The following IPPK variants were observed in gnomAD, a reference collection of about 807,000 sequenced individuals.
The protein encoded by IPPK is IPK1 homolog.
IPPK carries 22 observed loss-of-function variants against 64.6 expected under a neutral mutation model. That is an observed-to-expected ratio of 0.34 (90% confidence interval 0.24 to 0.49). The LOEUF is 0.49. Among genes scored for constraint, IPPK ranks in the 20% least tolerant of loss-of-function variants. IPPK has a pLI of 0.99. For missense variants in IPPK, 532 were observed against 630.7 expected (o/e 0.84, Z 1.68); for synonymous variants, 262 against 247.2 (o/e 1.06, Z -0.56).
chr9:92,634,458 A>C lies in IPPK; in HGVS notation c.1098T>G (p.Asp366Glu), dbSNP rs1233385336. 6.2e-7 allele frequency: 1 copy of C among 1,613,914 alleles called. No homozygotes were observed. Among genetic ancestry groups the C allele is most frequent in the Non-Finnish European group, 8.5e-7 (1 of 1,179,854 alleles). The change falls in exon 11 of 13, where the codon GAT becomes GAG. Residue 366 changes from aspartate (D) to glutamate (E), a missense_variant. Asp to Glu is a conservative substitution (Grantham distance 45, BLOSUM62 2). Coordinates refer to ENST00000287996, the MANE Select transcript of IPPK (RefSeq NM_022755.6). ...RKTLQIDGPY[D>E]EAFYQKLLDL... ...CAAGCAGCTTCTGGTAAAATGCTTC[A>C]TCATAAGGCCCATCTATTTGTAAGG...
Position 92,635,045 on chromosome 9 carries a change from G to T in IPPK, c.1067+113C>A. On this transcript the variant is annotated intron_variant, in intron 10 of 12. Coordinates refer to ENST00000287996, the MANE Select transcript of IPPK (RefSeq NM_022755.6). This position sits in a 1 kb window ranked among gnomAD's most constrained non-coding sequence, Gnocchi z 4.4. ...GAGCGGAGGACTGGGGTAGGAAGTGGCCGGCATGCTTCATCCTCCTGGGAA... is the reference window on the plus strand; with the variant it reads ...GAGCGGAGGACTGGGGTAGGAAGTGTCCGGCATGCTTCATCCTCCTGGGAA... The T allele has an allele frequency of 9.5e-7, 1 of 1,052,714 alleles. No homozygotes were observed. Among genetic ancestry groups the T allele is most frequent in the Non-Finnish European group, 1.4e-6 (1 of 729,904 alleles). 65.2% of individuals were successfully genotyped at this position (1,052,714 alleles called of 1,614,324 possible). A position where few individuals can be genotyped will look rare whatever the true frequency, so the allele number is the denominator to read the frequency against.
chr9:92,615,485 G>A lies in IPPK; in HGVS notation c.*347C>T, dbSNP rs1325652564. The A allele has an allele frequency of 5.3e-5, 12 of 226,974 alleles. No homozygotes were observed. The highest frequency in any genetic ancestry group is 8.7e-5 in the Non-Finnish European group (10 of 115,092). 14.1% of individuals were successfully genotyped at this position (226,974 alleles called of 1,614,324 possible). On this transcript the variant is annotated 3_prime_UTR_variant, in exon 13 of 13. Transcript: ENST00000287996. ...CTATGTTAGGAGTCTGGTGGTAGCAGATCCAAACCTTGGGTCTTAGAATAA... is the reference window on the plus strand; with the variant it reads ...CTATGTTAGGAGTCTGGTGGTAGCAAATCCAAACCTTGGGTCTTAGAATAA...
intron 11 of IPPK, among the ~76,000 whole-genome samples, chr9:92,623,888 C>T (rs1222558363): frequency 6.6e-6 from 1 of 152,228 alleles, no homozygotes; most frequent in Non-Finnish European, 1.5e-5. Context: ...TGCACATGTA[C>T]ACAAAATCTG....
intron 9 of IPPK, among the ~76,000 whole-genome samples, chr9:92,636,239 C>T (rs190430018): frequency 6.6e-6 from 1 of 152,176 alleles, no homozygotes; most frequent in East Asian, 1.9e-4. Flanking sequence ...GGACCCGGCA[C>T]GAAAATGCCA....
intron 6 of IPPK, among the ~76,000 whole-genome samples, chr9:92,643,736 T>C (rs1175755583): frequency 6.6e-6 from 1 of 152,266 alleles, no homozygotes; most frequent in African/African-American, 2.4e-5. Flanking sequence ...TGATCCCATT[T>C]TTGCTTTGCA....
intron 7 of IPPK, 125 bp downstream of exon 7, chr9:92,642,627 G>A (rs1852073614): frequency 1.5e-5 from 12 of 775,972 alleles, no homozygotes; most frequent in Non-Finnish European, 2.7e-5. Flanking sequence ...AGAGAGCCCT[G>A]AAGACAGAAC....
intron 11 of IPPK, among the ~76,000 whole-genome samples, chr9:92,628,310 G>T (rs1376137192): frequency 1.3e-5 from 2 of 152,194 alleles, no homozygotes; most frequent in African/African-American, 4.8e-5. Flanking sequence ...CTTCTTTGTA[G>T]ACGAAGCTGA....
At chr9:92,669,704 TAG>T (rs1307609831) in intron 1 of IPPK, among the ~76,000 whole-genome samples, 1 of 141,522 alleles carries the variant, frequency 7.1e-6, no homozygotes, top group African/African-American at 2.7e-5. Flanking sequence ...ACTGACCCAG[TAG>T]AGAGGGGATA....
At chr9:92,650,572 C>T (rs750914795) in intron 4 of IPPK, among the ~76,000 whole-genome samples, 1 of 152,102 alleles carries the variant, frequency 6.6e-6, no homozygotes, top group African/African-American at 2.4e-5. Flanking sequence ...AGGAGAGGAC[C>T]CAGAAGCTCA....
At chr9:92,618,864 T>G in intron 12 of IPPK, 1 of 344,642 alleles carries the variant, frequency 2.9e-6, no homozygotes, top group South Asian at 2.3e-5. Context: ...TGTGGAACAT[T>G]CCGCAAATAC....
intron 1 of IPPK, among the ~76,000 whole-genome samples, chr9:92,659,554 T>C (rs1018281960): frequency 5.9e-5 from 9 of 152,140 alleles, no homozygotes; most frequent in Non-Finnish European, 1.2e-4. Flanking sequence ...ACGTACATTA[T>C]ATGTAGGAGG....
At chr9:92,626,374 G>A (rs954903906) in intron 11 of IPPK, among the ~76,000 whole-genome samples, 3 of 152,142 alleles carry the variant, frequency 2.0e-5, no homozygotes, top group African/African-American at 4.8e-5. Flanking sequence ...TCCAGCCCGG[G>A]TGACAGAGCG....
chr9:92,627,092 G>A (rs989701581), intron 11 of IPPK, among the ~76,000 whole-genome samples: 3 of 152,086 alleles, frequency 2.0e-5, no homozygotes, highest in Admixed American at 6.5e-5. Flanking sequence ...ATAAATATCT[G>A]TAGGCCAATA....
intron 1 of IPPK, among the ~76,000 whole-genome samples, chr9:92,665,327 T>C (rs1312399671): frequency 6.6e-6 from 1 of 152,256 alleles, no homozygotes; most frequent in African/African-American, 2.4e-5. Flanking sequence ...ACGTATGTGC[T>C]TTCAGCATCC....
chr9:92,637,979 C>A, intron 9 of IPPK, 22 bp downstream of exon 9: 1 of 1,520,000 alleles, frequency 6.6e-7, no homozygotes, highest in South Asian at 1.3e-5. Context: ...CCACCGCCTA[C>A]CTGGGGAAGG....
At chr9:92,653,164 G>A (rs1322201288) in intron 3 of IPPK, among the ~76,000 whole-genome samples, 1 of 152,200 alleles carries the variant, frequency 6.6e-6, no homozygotes, top group Non-Finnish European at 1.5e-5. Context: ...CCAATGCCCA[G>A]CACTGCCCTC....
At position 92,652,569 on chromosome 9, in the gene IPPK, T is replaced by G. The variant is rs372724713; in HGVS notation, c.292+4A>C. The stretch of plus-strand genomic sequence containing the variant: ...AACAATATCTGTAAGTTAAACACCC[T>G]TACCTGGTCTTTCAGATTGTATCTT... On this transcript the variant is annotated splice_donor_region_variant and intron_variant, in intron 4 of 12. Transcript: ENST00000287996. 8 of 1,519,390 alleles carry G rather than the reference T, an allele frequency of 5.3e-6. No homozygotes were observed. Among genetic ancestry groups the G allele is most frequent in the African/African-American group, 4.1e-5 (3 of 73,122 alleles). The allele number at this position is 1,519,390 out of a possible 1,614,324, so 94.1% of individuals were successfully genotyped here. A position where few individuals can be genotyped will look rare whatever the true frequency, so the allele number is the denominator to read the frequency against.
At chr9:92,627,031 C>A (rs1395272408) in intron 11 of IPPK, among the ~76,000 whole-genome samples, 1 of 151,740 alleles carries the variant, frequency 6.6e-6, no homozygotes, top group Non-Finnish European at 1.5e-5. Context: ...ACCAAAAACC[C>A]TTCACTAAGA....
intron 11 of IPPK, among the ~76,000 whole-genome samples, chr9:92,628,804 G>A (rs988174995): frequency 6.6e-6 from 1 of 152,092 alleles, no homozygotes; most frequent in Admixed American, 6.5e-5. Context: ...TTGAACCCAG[G>A]AGGCAGAGGT....
Sources: allele counts gnomAD v4.1 joint callset (sites outside exome capture counted in the v4.1 genomes callset), GRCh38; gene constraint gnomAD v4.1.1; non-coding constraint Gnocchi (gnomAD v3.1); transcripts MANE v1.5; gene names NCBI Gene and HGNC (gene_info 2026-07-23, HGNC 2026-07-21).